The following PRDM10 variants were observed in gnomAD, a reference collection of about 807,000 sequenced individuals.
PRDM10 encodes PR domain zinc finger protein 10.
Under a neutral mutation model 133.1 loss-of-function variants are expected in PRDM10, and 65 were observed. The observed-to-expected ratio is 0.49, with a 90% CI of 0.40 to 0.60. The LOEUF is 0.60. PRDM10 is among the 20% of genes least tolerant of loss of function. The pLI, the probability that PRDM10 is intolerant of heterozygous loss-of-function variation, is 0.00. For missense variants in PRDM10, 1,137 were observed against 1,507.1 expected (o/e 0.75, Z 4.07); for synonymous variants, 582 against 580.4 (o/e 1.00, Z -0.04).
intron 1 of PRDM10, among the ~76,000 whole-genome samples, chr11:129,969,949 CTG>C (rs1951983375): frequency 6.6e-6 from 1 of 152,128 alleles, no homozygotes; most frequent in South Asian, 2.1e-4. Context: ...TGATTTTACT[CTG>C]TGTATAGAGA....
intron 6 of PRDM10, among the ~76,000 whole-genome samples, chr11:129,942,964 C>T (rs1013066746): frequency 1.3e-5 from 2 of 152,168 alleles, no homozygotes; most frequent in African/African-American, 2.4e-5. Context: ...CAATTTGCCT[C>T]CTTTTGGGGT....
intron 1 of PRDM10, among the ~76,000 whole-genome samples, chr11:129,993,310 T>C (rs1938849612): frequency 6.6e-6 from 1 of 152,242 alleles, no homozygotes; most frequent in Admixed American, 6.5e-5. Context: ...AATGTTTCTC[T>C]ATACTAAGGT....
chr11:129,944,455 G>A (rs1227846938), intron 6 of PRDM10, among the ~76,000 whole-genome samples: 2 of 152,008 alleles, frequency 1.3e-5, no homozygotes, highest in Admixed American at 1.3e-4. Flanking sequence ...CGTGGTGGCG[G>A]GCGCCTGTAG....
chr11:129,956,717 C>T (rs80108029), intron 3 of PRDM10, among the ~76,000 whole-genome samples: 11,207 of 152,176 alleles, frequency 0.074, 546 homozygotes, highest in African/African-American at 0.12. Context: ...ACCACTAAGT[C>T]TTCAGTGATT....
At chr11:130,001,478 AAGC>A (rs996879043) in intron 1 of PRDM10, among the ~76,000 whole-genome samples, 1 of 152,182 alleles carries the variant, frequency 6.6e-6, no homozygotes, top group Non-Finnish European at 1.5e-5. Context: ...TCAACAGGCA[AAGC>A]AGCAGAATTA....
At chr11:129,942,692 A>G (rs1951254083) in intron 6 of PRDM10, 63 bp from the exon 7 acceptor site, 1 of 1,395,824 alleles carries the variant, frequency 7.2e-7, no homozygotes, top group Non-Finnish European at 1.0e-6. Flanking sequence ...CACATTTTAT[A>G]ATGTCACAAT....
In PRDM10 at chr11:129,905,673, G is replaced by T. The variant is rs2135709637; in HGVS notation, c.3232C>A (p.Pro1078Thr). 2 of 1,614,178 alleles carry T rather than the reference G, an allele frequency of 1.2e-6. No individual in the cohort carries two copies. Among genetic ancestry groups the T allele is most frequent in the South Asian group, 2.2e-5 (2 of 91,086 alleles). The change falls in exon 20 of 21, where the codon CCA (proline) becomes ACA (threonine). Residue 1078 changes from proline (P) to threonine (T), a missense_variant. Pro to Thr is a conservative substitution (Grantham distance 38, BLOSUM62 -1). Around this residue, in one of 6 missense-constraint regions of PRDM10, gnomAD observed 243 missense variants for 259.2 expected, o/e 0.94. Transcript: ENST00000360871. ...GCCTTCACCTGGCCAGTAGTAACTG[G>T]AGTTGCCACACCACTGTCTGTAATC... ...FVITDSGVATPVTTGQVKAVT... is the reference protein window; with the variant it reads ...FVITDSGVATTVTTGQVKAVT...
At chr11:129,970,718 G>T (rs1028489073) in intron 1 of PRDM10, among the ~76,000 whole-genome samples, 1 of 151,918 alleles carries the variant, frequency 6.6e-6, no homozygotes, top group Non-Finnish European at 1.5e-5. Context: ...GTAACTTTTT[G>T]TATTTTTAGT....
chr11:129,948,019 C>T, intron 4 of PRDM10: 1 of 456,248 alleles, frequency 2.2e-6, no homozygotes, highest in Non-Finnish European at 4.4e-6. Context: ...CACAGCTCTC[C>T]TTTTAAACAG....
At position 129,935,212 on chromosome 11, in the gene PRDM10, C is replaced by A; in HGVS notation, c.1046G>T (p.Arg349Leu). ...GCAGGGCCAATTCTTCTCTTGCTCT[C>A]GAAGAACTACAGTCACAGGAGAGAA... ...DISEEERKVL[R>L]EQEKNWPCYE... Residue 349 changes from arginine to leucine, a missense_variant, in exon 9 of 21, where the codon CGA (arginine) becomes CTA (leucine). By Grantham distance (102) the Arg-to-Leu change is moderately radical. Around this residue, in one of 6 missense-constraint regions of PRDM10, gnomAD observed 635 missense variants for 835.2 expected, o/e 0.76. Coordinates refer to ENST00000360871, the MANE Select transcript of PRDM10 (RefSeq NM_199437.2). 1 of 1,612,440 alleles carries A rather than the reference C, an allele frequency of 6.2e-7. No individual in the cohort carries two copies. The highest frequency in any genetic ancestry group is 8.5e-7 in the Non-Finnish European group (1 of 1,178,570).
At chr11:129,933,279 G>A (rs552413697) in intron 9 of PRDM10, among the ~76,000 whole-genome samples, 18 of 152,292 alleles carry the variant, frequency 1.2e-4, no homozygotes, top group Non-Finnish European at 2.2e-4. Flanking sequence ...CTAGGTGAAT[G>A]TAGAGACTAG....
chr11:129,923,689 A>C lies in PRDM10; in HGVS notation c.1879-286T>G, dbSNP rs994941348. ...GAGAGAGAGAGAGAGAGAGAGAGAG[A>C]GAGAGTGCTTGCTTGGTCAAAGCCC... On this transcript the variant is annotated intron_variant, in intron 12 of 20. Coordinates refer to ENST00000360871, the MANE Select transcript of PRDM10 (RefSeq NM_199437.2). This position sits in a 1 kb window ranked among gnomAD's most constrained non-coding sequence, Gnocchi z 4.4. Among the ~76,000 whole-genome samples the C allele has an allele frequency of 2.2e-4, 32 of 144,876 alleles. No homozygotes were observed. The highest frequency in any genetic ancestry group is 8.1e-4 in the African/African-American group (31 of 38,038).
chr11:129,908,798 A>C (rs945806471), intron 19 of PRDM10, among the ~76,000 whole-genome samples: 24 of 151,320 alleles, frequency 1.6e-4, no homozygotes, highest in Admixed American at 1.5e-3. Context: ...ATGGAGTCTC[A>C]CTCTGTCACC....
In PRDM10 at chr11:129,945,021, G is replaced by T. The variant is rs1951360516; in HGVS notation, c.521-9C>A. On this transcript the variant is annotated splice_polypyrimidine_tract_variant and intron_variant, in intron 5 of 20. Coordinates refer to ENST00000360871, the MANE Select transcript of PRDM10 (RefSeq NM_199437.2). This position sits in a 1 kb window ranked among gnomAD's most constrained non-coding sequence, Gnocchi z 4.2. ...ATTGCACTCCTCACACCCTGCAAAA[G>T]AGAGACAGTCTTGAAGAAAAGTCCA... 1 of 1,609,266 alleles carries T rather than the reference G, an allele frequency of 6.2e-7. No individual in the cohort carries two copies. The highest frequency in any genetic ancestry group is 1.3e-5 in the African/African-American group (1 of 74,746).
At chr11:129,916,991 A>T (rs1223102476) in intron 15 of PRDM10, 136 bp downstream of exon 15, 5 of 570,592 alleles carry the variant, frequency 8.8e-6, no homozygotes, top group Non-Finnish European at 1.5e-5. Context: ...TTCTTGTCTG[A>T]ATGGAGACTA....
chr11:129,914,356 T>C, intron 17 of PRDM10: 1 of 383,896 alleles, frequency 2.6e-6, no homozygotes, highest in Non-Finnish European at 5.0e-6. Context: ...GATACGCAGG[T>C]CGTGATTTAT....
intron 20 of PRDM10, among the ~76,000 whole-genome samples, chr11:129,903,248 A>C (rs1949897423): frequency 6.6e-6 from 1 of 151,438 alleles, no homozygotes; most frequent in South Asian, 2.1e-4. Flanking sequence ...CAGTGAGTTG[A>C]GATCGTGCCA....
chr11:129,915,259 C>A (rs918538937), intron 16 of PRDM10, among the ~76,000 whole-genome samples: 4 of 151,386 alleles, frequency 2.6e-5, no homozygotes. Flanking sequence ...TCTCAATACC[C>A]CCCCCAAATA....
intron 13 of PRDM10, among the ~76,000 whole-genome samples, chr11:129,919,404 T>G (rs944291558): frequency 6.6e-6 from 1 of 152,174 alleles, no homozygotes; most frequent in Non-Finnish European, 1.5e-5. Flanking sequence ...TCCCACACCT[T>G]TCAGCAAACA....
Sources: gnomAD v4.1 joint callset for allele counts (sites outside exome capture counted in the v4.1 genomes callset) on GRCh38, gnomAD v4.1.1 for gene constraint, gnomAD v4.1.1 regional missense constraint, Gnocchi (gnomAD v3.1) non-coding constraint, MANE v1.5 for transcripts, NCBI Gene and HGNC (gene_info 2026-07-23, HGNC 2026-07-21) for gene names.